Variants in CROCC observed in about 807,000 individuals in gnomAD.
The protein encoded by CROCC is ciliary rootlet coiled-coil, rootletin.
In CROCC, 180 loss-of-function variants were observed where a neutral mutation model predicts 245.2. That is an observed-to-expected ratio of 0.73 (90% CI 0.65 to 0.83). CROCC has a LOEUF of 0.83. Among genes scored for constraint, CROCC ranks in the 40% least tolerant of loss-of-function variants. CROCC has a pLI of 0.00. For synonymous variants in CROCC, 1,205 were observed against 1,241.6 expected (o/e 0.97, Z 0.62); for missense variants, 2,688 against 2,779.4 (o/e 0.97, Z 0.74).
intron 27 of CROCC, among the ~76,000 whole-genome samples, chr1:16,963,036 A>G (rs1007515124): frequency 2.0e-5 from 3 of 151,780 alleles, no homozygotes; most frequent in African/African-American, 7.3e-5. Flanking sequence ...ACAAAAAATT[A>G]GTCAAGTGTG....
In CROCC at chr1:16,960,844, G is replaced by A. The variant is rs772412712; in HGVS notation, c.4119G>A (p.Ala1373=). 5.1e-5 allele frequency: 78 copies of A among 1,518,094 alleles called. No individual in the cohort carries two copies. The highest frequency in any genetic ancestry group is 2.3e-4 in the Middle Eastern group (1 of 4,322). 94.0% of individuals were successfully genotyped at this position (1,518,094 alleles called of 1,614,324 possible). A position where few individuals can be genotyped will look rare whatever the true frequency, so the allele number is the denominator to read the frequency against. ...ERRLLGSLEE[A]RGTEKQQLDH... ...GCCTGCTGGGCTCCCTGGAGGAGGC[G>A]CGTGGCACTGAAAAGCAGCAGCTGG... is the stretch of plus-strand genomic sequence containing the variant. Residue 1373 remains alanine (A), a synonymous_variant, in exon 27 of 37, where the codon GCG becomes GCA. Coordinates refer to ENST00000375541, the MANE Select transcript of CROCC (RefSeq NM_014675.5).
chr1:16,955,370 G>A lies in CROCC; in HGVS notation c.3524G>A (p.Arg1175Gln), dbSNP rs752846370. 1.0e-5 allele frequency: 16 copies of A among 1,606,962 alleles called. No homozygotes were observed. The highest frequency in any genetic ancestry group is 4.5e-5 in the East Asian group (2 of 44,824). ...LLEDARDGLR[R>Q]ELLEAQRKLR... ...GAGGATGCCCGTGACGGGCTGCGGC[G>A]GGAGCTGCTGGAGGCCCAGCGCAAG... Residue 1175 changes from arginine (R) to glutamine (Q), a missense_variant, in exon 24 of 37, where the codon CGG becomes CAG. Coordinates refer to ENST00000375541, the MANE Select transcript of CROCC (RefSeq NM_014675.5).
rs758773148 is a variant in CROCC at position 16,930,330 on chromosome 1, G to A, written c.666G>A (p.Leu222=). 1.7e-5 allele frequency: 28 copies of A among 1,610,130 alleles called. No individual in the cohort carries two copies. Among genetic ancestry groups the A allele is most frequent in the Non-Finnish European group, 2.3e-5 (27 of 1,179,082 alleles). ...SQDLESALIR[L]EEEQQRSASL... The stretch of plus-strand genomic sequence containing the variant: ...ACCTGGAAAGCGCCCTCATCCGGCT[G>A]GAGGAGGAGCAGCAGAGGTGAGGGC... The change falls in exon 6 of 37, where the codon CTG becomes CTA. Residue 222 remains leucine, a synonymous_variant. Transcript: ENST00000375541.
rs779277821 is a variant in CROCC, at chr1:16,939,030, C to T, written c.1496C>T (p.Ser499Phe). 2.5e-6 allele frequency: 4 copies of T among 1,595,520 alleles called. No homozygotes were observed. The highest frequency in any genetic ancestry group is 2.6e-6 in the Non-Finnish European group (3 of 1,174,032). ...GQRTPSPPRR[S>F]SPGRGRSPRR... ...CGGACCCCGTCCCCACCGCGGCGCT[C>T]CTCGCCCGGCCGAGGCCGTTCACCC... Residue 499 changes from serine (S) to phenylalanine (F), a missense_variant, in exon 12 of 37, where the codon TCC becomes TTC. By Grantham distance (155) the Ser-to-Phe change is radical. Coordinates refer to ENST00000375541, the MANE Select transcript of CROCC (RefSeq NM_014675.5).
rs140278341 is a variant in CROCC at position 16,960,774 on chromosome 1, G to A, written c.4049G>A (p.Arg1350Gln). ...VMRQELQVAQ[R>Q]KLQEQEGEFR... ...TCACTCCAGCTCCAGGTAGCCCAGCGGAAGCTGCAGGAACAAGAAGGCGAG... is the reference window on the plus strand; with the variant it reads ...TCACTCCAGCTCCAGGTAGCCCAGCAGAAGCTGCAGGAACAAGAAGGCGAG... Residue 1350 changes from arginine to glutamine, a missense_variant, in exon 27 of 37, where the codon CGG becomes CAG. Transcript: ENST00000375541. 1.2e-5 allele frequency: 18 copies of A among 1,532,640 alleles called. No individual in the cohort carries two copies. Among genetic ancestry groups the A allele is most frequent in the African/African-American group, 4.2e-5 (3 of 71,174 alleles). 94.9% of individuals were successfully genotyped at this position (1,532,640 alleles called of 1,614,324 possible).
chr1:16,968,919 C>G, intron 31 of CROCC, 197 bp from the exon 32 acceptor site: 1 of 670,650 alleles, frequency 1.5e-6, no homozygotes, highest in Non-Finnish European at 2.7e-6. Context: ...TAGTAGTTAG[C>G]CAGCAATGGG....
intron 3 of CROCC, among the ~76,000 whole-genome samples, chr1:16,929,354 G>A (rs1323019848): frequency 5.3e-5 from 8 of 152,322 alleles, no homozygotes; most frequent in African/African-American, 7.2e-5. Context: ...ATTCACTATC[G>A]CAACAAATAT....
chr1:16,964,365 T>C (rs2076385697), intron 27 of CROCC, among the ~76,000 whole-genome samples: 2 of 151,440 alleles, frequency 1.3e-5, no homozygotes, highest in Admixed American at 1.3e-4. Flanking sequence ...CTTCCTTACT[T>C]TCTTTTCTTT....
intron 8 of CROCC, among the ~76,000 whole-genome samples, chr1:16,932,566 G>A (rs921531026): frequency 6.6e-6 from 1 of 152,272 alleles, no homozygotes; most frequent in African/African-American, 2.4e-5. Flanking sequence ...ACCACTTTGT[G>A]GAGATGGAAT....
chr1:16,928,341 G>A (rs1439729685), intron 3 of CROCC, among the ~76,000 whole-genome samples: 1 of 152,286 alleles, frequency 6.6e-6, no homozygotes, highest in Admixed American at 6.5e-5. Flanking sequence ...GCCACCTGGG[G>A]CCAGCAGGTG....
chr1:16,948,346 A>G lies in CROCC; in HGVS notation c.2530A>G (p.Ser844Gly). 6.4e-7 allele frequency: 1 copy of G among 1,573,654 alleles called. No individual in the cohort carries two copies. Among genetic ancestry groups the G allele is most frequent in the Non-Finnish European group, 8.6e-7 (1 of 1,164,230 alleles). The change falls in exon 18 of 37, where the codon AGC (serine) becomes GGC (glycine). Residue 844 changes from serine (S) to glycine (G), a missense_variant. This residue lies in a region of CROCC where 295 missense variants were observed against 241.7 expected (regional missense o/e 1.22). Transcript: ENST00000375541. ...TGGGGGCCAGCTCTCCCGGCAGCTG[A>G]GCGGGCGGGAGCAGGAGCTGGAGCA... ...EQLAQLSRQL[S>G]GREQELEQAR...
At chr1:16,931,199 T>C in intron 7 of CROCC, 92 bp from the exon 8 acceptor site, 2 of 1,131,094 alleles carry the variant, frequency 1.8e-6, no homozygotes, top group South Asian at 1.3e-5. Flanking sequence ...TGAACGACGG[T>C]GCCTCCCAGG....
Position 16,960,842 on chromosome 1 carries a change from G to A in CROCC, c.4117G>A (p.Ala1373Thr). The change falls in exon 27 of 37, where the codon GCG becomes ACG. Residue 1373 changes from alanine (A) to threonine (T), a missense_variant. Around this residue, in one of 9 missense-constraint regions of CROCC, gnomAD observed 1,218 missense variants for 1,286.3 expected, o/e 0.95. Coordinates refer to ENST00000375541, the MANE Select transcript of CROCC (RefSeq NM_014675.5). The stretch of plus-strand genomic sequence containing the variant: ...ACGCCTGCTGGGCTCCCTGGAGGAG[G>A]CGCGTGGCACTGAAAAGCAGCAGCT... ...ERRLLGSLEE[A>T]RGTEKQQLDH... 6.6e-7 allele frequency: 1 copy of A among 1,518,584 alleles called. No individual in the cohort carries two copies. The highest frequency in any genetic ancestry group is 2.3e-4 in the Middle Eastern group (1 of 4,300). The allele number at this position is 1,518,584 out of a possible 1,614,324, so 94.1% of individuals were successfully genotyped here.
intron 19 of CROCC, among the ~76,000 whole-genome samples, chr1:16,950,550 G>T (rs1370794463): frequency 9.9e-5 from 15 of 152,098 alleles, no homozygotes; most frequent in Admixed American, 9.8e-4. Flanking sequence ...TAGAGACAGG[G>T]TTTCACCATG....
chr1:16,932,769 C>G (rs2075706660), intron 8 of CROCC, among the ~76,000 whole-genome samples: 1 of 152,282 alleles, frequency 6.6e-6, no homozygotes, highest in Non-Finnish European at 1.5e-5. Context: ...TGTGAGCAGT[C>G]AGCTCAACAG....
upstream of CROCC, among the ~76,000 whole-genome samples, chr1:16,921,011 C>T (rs111721734): frequency 4.9e-4 from 75 of 152,354 alleles, no homozygotes; most frequent in African/African-American, 1.6e-3. Flanking sequence ...CCCAAAATGC[C>T]GAGATTACAG....
At chr1:16,959,304 G>C (rs904303295) in intron 26 of CROCC, among the ~76,000 whole-genome samples, 3 of 152,192 alleles carry the variant, frequency 2.0e-5, no homozygotes, top group Non-Finnish European at 4.4e-5. Context: ...GATTACAGGT[G>C]TGAGCCACCA....
intron 8 of CROCC, among the ~76,000 whole-genome samples, chr1:16,933,070 CA>C (rs1466732486): frequency 4.6e-5 from 7 of 152,258 alleles, no homozygotes; most frequent in Non-Finnish European, 7.3e-5. Flanking sequence ...CTTGACCTCC[CA>C]AAATGCTGGG....
chr1:16,971,759 G>A (rs57262071), intron 36 of CROCC, 112 bp downstream of exon 36: 65,872 of 1,122,008 alleles, frequency 0.059, 3,139 homozygotes, highest in African/African-American at 0.22. Context: ...TCCCGTAACC[G>A]AAAAGGGTGG....
Sources: allele counts gnomAD v4.1 joint callset (sites outside exome capture counted in the v4.1 genomes callset), GRCh38; gene constraint gnomAD v4.1.1; regional missense constraint gnomAD v4.1.1; transcripts MANE v1.5; gene names NCBI Gene and HGNC (gene_info 2026-07-23, HGNC 2026-07-21).